Variants in CBFA2T2 observed in about 807,000 individuals in gnomAD.
CBFA2T2 encodes CBFA2/RUNX1 partner transcriptional co-repressor 2, also known as protein CBFA2T2.
Under a neutral mutation model 62.2 loss-of-function variants are expected in CBFA2T2, and 11 were observed. The ratio of observed to expected loss-of-function variants is 0.18; its 90% CI spans 0.11 to 0.29. The LOEUF is 0.29. Ranked by LOEUF, CBFA2T2 falls within the 10% of genes least tolerant of loss-of-function variation. The probability of loss-of-function intolerance (pLI) is 1.00; values close to 1 mark genes in which losing one functional copy is unlikely to be tolerated. For missense variants in CBFA2T2, 592 were observed against 774.1 expected (o/e 0.76, Z 2.79); for synonymous variants, 295 against 287.5 (o/e 1.03, Z -0.27).
intron 1 of CBFA2T2, among the ~76,000 whole-genome samples, chr20:33,604,525 G>A (rs934686606): frequency 2.0e-5 from 3 of 152,208 alleles, no homozygotes; most frequent in Admixed American, 6.5e-5. Context: ...TAGGTTTTGG[G>A]TGGTGAAATG....
In CBFA2T2 at chr20:33,490,096, G is replaced by T. The variant is rs1485532141; in HGVS notation, c.-172G>T. ...GGGCGGGGCGCGGCCTAACGGCGGCGGCGGCGGCGGCGACGGCGACAGCAG... is the reference window on the plus strand; with the variant it reads ...GGGCGGGGCGCGGCCTAACGGCGGCTGCGGCGGCGGCGACGGCGACAGCAG... On this transcript the variant is annotated 5_prime_UTR_variant, in exon 1 of 11. Coordinates refer to ENST00000342704, the MANE Select transcript of CBFA2T2 (RefSeq NM_001032999.3). 6 of 613,604 alleles carry T rather than the reference G, an allele frequency of 9.8e-6. No individual in the cohort carries two copies. The highest frequency in any genetic ancestry group is 1.1e-4 in the Admixed American group (2 of 17,694). 38.0% of individuals were successfully genotyped at this position (613,604 alleles called of 1,614,324 possible).
chr20:33,637,691 G>C (rs1173512723), intron 9 of CBFA2T2, among the ~76,000 whole-genome samples: 2 of 150,862 alleles, frequency 1.3e-5, no homozygotes, highest in Non-Finnish European at 3.0e-5. Flanking sequence ...TTTTGAGATG[G>C]AGTTTCGCGC....
chr20:33,524,207 T>C (rs1361757202), intron 1 of CBFA2T2, among the ~76,000 whole-genome samples: 1 of 152,168 alleles, frequency 6.6e-6, no homozygotes, highest in Admixed American at 6.5e-5. Flanking sequence ...TAACTGGGAA[T>C]GTTTCATAAT....
chr20:33,544,619 C>T (rs1275917708), intron 1 of CBFA2T2, among the ~76,000 whole-genome samples: 2 of 152,084 alleles, frequency 1.3e-5, no homozygotes, highest in Admixed American at 6.6e-5. Flanking sequence ...GCGATCTCGG[C>T]TCACTGTAAC....
At chr20:33,520,860 G>A (rs2011708312) in intron 1 of CBFA2T2, among the ~76,000 whole-genome samples, 1 of 151,694 alleles carries the variant, frequency 6.6e-6, no homozygotes, top group Non-Finnish European at 1.5e-5. Context: ...ACTCATGAGT[G>A]TTTTCGTTTA....
rs58366038 is a variant in CBFA2T2 at position 33,643,825 on chromosome 20, ATGTGTGTGTG to A, written c.1489-496_1489-487del. ...TATATATATATATATATAGTATATA[ATGTGTGTGTG>A]TGTGTGTGTGTGTGTGTGTGTGTGT... On this transcript the variant is annotated intron_variant, in intron 10 of 10. Coordinates refer to ENST00000342704, the MANE Select transcript of CBFA2T2 (RefSeq NM_001032999.3). 1.3e-3 allele frequency among the ~76,000 whole-genome samples: 98 copies of A among 73,364 alleles called. 2 individuals are homozygous for A. Among genetic ancestry groups the A allele is most frequent in the African/African-American group, 4.9e-3 (83 of 17,024 alleles). The allele number at this position is 73,364 out of a possible 152,430, so 48.1% of individuals were successfully genotyped here.
intron 1 of CBFA2T2, among the ~76,000 whole-genome samples, chr20:33,568,496 T>G (rs2013428598): frequency 6.6e-6 from 1 of 152,162 alleles, no homozygotes; most frequent in Admixed American, 6.5e-5. Flanking sequence ...CCACTTACTC[T>G]GCTGGAAGAG....
chr20:33,567,836 G>A (rs915764580), intron 1 of CBFA2T2, among the ~76,000 whole-genome samples: 6 of 151,478 alleles, frequency 4.0e-5, no homozygotes, highest in Admixed American at 3.3e-4. Flanking sequence ...TACCCGCTTC[G>A]GCCTCCCAAA....
At chr20:33,640,602 C>G (rs998186457) in intron 10 of CBFA2T2, 71 bp downstream of exon 10, 6 of 1,419,298 alleles carry the variant, frequency 4.2e-6, no homozygotes, top group Non-Finnish European at 5.9e-6. Flanking sequence ...TCCTCTCATA[C>G]GCTGGGCAGG....
In CBFA2T2 at chr20:33,544,485, C is replaced by G. The variant is rs6059374; in HGVS notation, c.34+54184C>G. 2.3e-3 allele frequency among the ~76,000 whole-genome samples: 347 copies of G among 152,192 alleles called. 3 individuals are homozygous for G. The highest frequency in any genetic ancestry group is 7.9e-3 in the African/African-American group (329 of 41,526). On this transcript the variant is annotated intron_variant, in intron 1 of 10. Transcript: ENST00000342704. ...ATTAATTTTGTTTGTTCTTTGTCTC[C>G]TCTTGCTAGTTTCAGAGAAGACAGG...
At chr20:33,491,655 G>A (rs920173420) in intron 1 of CBFA2T2, among the ~76,000 whole-genome samples, 6 of 152,150 alleles carry the variant, frequency 3.9e-5, no homozygotes, top group Middle Eastern at 3.4e-3. Context: ...GAGGCGGATA[G>A]TGATTACTCT....
chr20:33,596,187 T>C (rs1190003918), intron 1 of CBFA2T2, among the ~76,000 whole-genome samples: 1 of 152,208 alleles, frequency 6.6e-6, no homozygotes, highest in Non-Finnish European at 1.5e-5. Context: ...GTAATGAAAA[T>C]TTTATATTAA....
intron 1 of CBFA2T2, chr20:33,574,298 T>C (rs904744075): frequency 6.3e-7 from 1 of 1,591,508 alleles, no homozygotes; most frequent in Non-Finnish European, 8.6e-7. Flanking sequence ...AGAGGACTAA[T>C]TTAATAACAG....
At chr20:33,543,893 GTGCAATCCTGTT>G (rs1421675018) in intron 1 of CBFA2T2, among the ~76,000 whole-genome samples, 2 of 152,054 alleles carry the variant, frequency 1.3e-5, no homozygotes, top group East Asian at 3.8e-4. Context: ...CCAGGCTAGA[GTGCAATCCTGTT>G]TGTTCTACCT....
chr20:33,548,474 C>T (rs1189047875), intron 1 of CBFA2T2, among the ~76,000 whole-genome samples: 2 of 151,426 alleles, frequency 1.3e-5, no homozygotes, highest in African/African-American at 4.9e-5. Context: ...GAACTCCTGA[C>T]CTCAGGTGAT....
At chr20:33,531,727 C>G (rs1049934096) in intron 1 of CBFA2T2, among the ~76,000 whole-genome samples, 1 of 152,200 alleles carries the variant, frequency 6.6e-6, no homozygotes, top group African/African-American at 2.4e-5. Context: ...TTTTCTGAAT[C>G]AGACATTGTG....
At chr20:33,555,979 C>T (rs1274504516) in intron 1 of CBFA2T2, among the ~76,000 whole-genome samples, 2 of 152,356 alleles carry the variant, frequency 1.3e-5, no homozygotes, top group East Asian at 3.9e-4. Context: ...AATCCCCCAA[C>T]CTCAGCCTCC....
In CBFA2T2 at chr20:33,648,307, CCCG is replaced by C. The variant is rs2017121320; in HGVS notation, c.*3664_*3666del. The stretch of plus-strand genomic sequence containing the variant: ...AGGGTGAGACCAGTGCTCAGCACCA[CCCG>C]CCAAGGAACACTGATGAGTTGTGGG... On this transcript the variant is annotated 3_prime_UTR_variant, in exon 11 of 11. Coordinates refer to ENST00000342704, the MANE Select transcript of CBFA2T2 (RefSeq NM_001032999.3). The C allele has an allele frequency of 6.6e-6, 1 of 152,248 alleles. No homozygotes were observed. The highest frequency in any genetic ancestry group is 1.5e-5 in the Non-Finnish European group (1 of 68,064). 9.4% of individuals were successfully genotyped at this position (152,248 alleles called of 1,614,324 possible).
At position 33,512,814 on chromosome 20, in the gene CBFA2T2, C is replaced by T. The variant is rs146126739; in HGVS notation, c.34+22513C>T. On this transcript the variant is annotated intron_variant, in intron 1 of 10. Coordinates refer to ENST00000342704, the MANE Select transcript of CBFA2T2 (RefSeq NM_001032999.3). ...TTGCCCAGGCTGGAGTGCAGTGGCG[C>T]GATCTCGGGCTGACTGCAAGCTCCG... Among the ~76,000 whole-genome samples the T allele has an allele frequency of 1.5e-3, 231 of 149,416 alleles. 1 individual carries two copies. Among genetic ancestry groups the T allele is most frequent in the African/African-American group, 5.5e-3 (222 of 40,478 alleles).
Sources: allele counts gnomAD v4.1 joint callset (sites outside exome capture counted in the v4.1 genomes callset), GRCh38; gene constraint gnomAD v4.1.1; transcripts MANE v1.5; gene names NCBI Gene and HGNC (gene_info 2026-07-23, HGNC 2026-07-21).